TM9SF2: variants seen among roughly 807,000 people sequenced by gnomAD.
The protein encoded by TM9SF2 is 76 kDa membrane protein.
A neutral mutation model predicts 84.9 loss-of-function variants in TM9SF2; 13 were observed. The observed-to-expected ratio is 0.15, with a 90% confidence interval of 0.10 to 0.24. The LOEUF (loss-of-function observed/expected upper bound fraction) is 0.24, where lower values mean the gene tolerates loss of function less well. TM9SF2 is among the 10% of genes least tolerant of loss of function. The pLI is 1.00. For missense variants in TM9SF2, 562 were observed against 818.5 expected, an observed-to-expected ratio of 0.69 and a Z score of 3.82; for synonymous variants, 273 against 285.8, an observed-to-expected ratio of 0.96 and a Z score of 0.45.
chr13:99,553,408 G>T (rs922513172), intron 13 of TM9SF2, among the ~76,000 whole-genome samples: 3 of 152,140 alleles, frequency 2.0e-5, no homozygotes, highest in Middle Eastern at 3.2e-3. Context: ...AACTGACAGG[G>T]TTTGAATTTT....
chr13:99,532,345 C>T (rs987936393), intron 4 of TM9SF2, among the ~76,000 whole-genome samples: 4 of 152,154 alleles, frequency 2.6e-5, no homozygotes, highest in South Asian at 2.1e-4. Flanking sequence ...CCACCGCGCC[C>T]GGCCTTGTGG....
chr13:99,504,723 C>T (rs989076308), intron 1 of TM9SF2, among the ~76,000 whole-genome samples: 10 of 152,192 alleles, frequency 6.6e-5, no homozygotes, highest in African/African-American at 2.4e-4. Flanking sequence ...GATTAATTTT[C>T]TTAGCCTTCA....
intron 15 of TM9SF2, among the ~76,000 whole-genome samples, chr13:99,556,452 G>A (rs369107697): frequency 4.3e-4 from 66 of 152,078 alleles, no homozygotes; most frequent in African/African-American, 1.5e-3. Flanking sequence ...TGTCTGTTTC[G>A]CCTGTTCAGA....
chr13:99,557,880 C>CAA (rs35125079), intron 15 of TM9SF2, among the ~76,000 whole-genome samples: 4 of 151,508 alleles, frequency 2.6e-5, no homozygotes, highest in African/African-American at 4.9e-5. Flanking sequence ...CACCCCCGAC[C>CAA]AAAAAAAAGA....
In TM9SF2 at chr13:99,562,690, G is replaced by T; in HGVS notation, c.1925-1G>T. 1 of 1,612,028 alleles carries T rather than the reference G, an allele frequency of 6.2e-7. No individual in the cohort carries two copies. Among genetic ancestry groups the T allele is most frequent in the Non-Finnish European group, 8.5e-7 (1 of 1,179,318 alleles). On this transcript the variant is annotated splice_acceptor_variant, in intron 16 of 16. Coordinates refer to ENST00000376387, the MANE Select transcript of TM9SF2 (RefSeq NM_004800.3). LOFTEE classifies it high-confidence loss of function. ...GTTTATTTTTATTTTTTCTCTTATA[G>T]GAACAATTGGCTTCTTTGCATGCTT... is the stretch of plus-strand genomic sequence containing the variant.
intron 1 of TM9SF2, among the ~76,000 whole-genome samples, chr13:99,513,589 C>T (rs890505030): frequency 2.6e-5 from 4 of 151,550 alleles, no homozygotes; most frequent in Non-Finnish European, 4.4e-5. Flanking sequence ...GCCTTGTGTT[C>T]GACCCTCTGA....
At chr13:99,510,891 G>A (rs1427120724) in intron 1 of TM9SF2, among the ~76,000 whole-genome samples, 1 of 151,988 alleles carries the variant, frequency 6.6e-6, no homozygotes, top group Non-Finnish European at 1.5e-5. Context: ...GGACTTTGTG[G>A]GCATTAAATA....
At chr13:99,519,999 C>T in intron 2 of TM9SF2, 37 bp from the exon 3 acceptor site, 11 of 1,590,312 alleles carry the variant, frequency 6.9e-6, no homozygotes, top group Non-Finnish European at 9.5e-6. Context: ...TTCATCGTTC[C>T]CTTTTATGTG....
At chr13:99,562,194 C>G (rs2046347472) in intron 16 of TM9SF2, among the ~76,000 whole-genome samples, 1 of 152,154 alleles carries the variant, frequency 6.6e-6, no homozygotes, top group Admixed American at 6.5e-5. Flanking sequence ...TTGTTACTAT[C>G]TAATCATGTC....
At chr13:99,544,034 T>C in intron 10 of TM9SF2, 39 bp downstream of exon 10, 2 of 1,608,142 alleles carry the variant, frequency 1.2e-6, no homozygotes, top group Non-Finnish European at 8.5e-7. Flanking sequence ...GAAAATACTT[T>C]CTAAATACAG....
chr13:99,558,937 T>C (rs2046334527), intron 15 of TM9SF2, among the ~76,000 whole-genome samples: 1 of 152,212 alleles, frequency 6.6e-6, no homozygotes, highest in Non-Finnish European at 1.5e-5. Flanking sequence ...ATAGCTGAAA[T>C]TGGATTCCAA....
intron 10 of TM9SF2, 64 bp downstream of exon 10, chr13:99,544,059 C>T (rs898500909): frequency 1.4e-5 from 22 of 1,583,300 alleles, no homozygotes; most frequent in Non-Finnish European, 1.9e-5. Context: ...TGCTTAAAAA[C>T]CAGTTTTTCT....
chr13:99,514,922 T>A (rs1008978685), intron 1 of TM9SF2, among the ~76,000 whole-genome samples: 1 of 152,190 alleles, frequency 6.6e-6, no homozygotes, highest in Non-Finnish European at 1.5e-5. Flanking sequence ...GAAGTAGGGA[T>A]TATTATCACT....
chr13:99,511,032 G>A (rs186316698), intron 1 of TM9SF2, among the ~76,000 whole-genome samples: 1 of 151,910 alleles, frequency 6.6e-6, no homozygotes, highest in Admixed American at 6.6e-5. Context: ...TGAGATCATC[G>A]TTCCTGCTCC....
At chr13:99,551,636 A>G (rs2046305949) in intron 12 of TM9SF2, among the ~76,000 whole-genome samples, 3 of 152,240 alleles carry the variant, frequency 2.0e-5, no homozygotes, top group African/African-American at 7.2e-5. Flanking sequence ...TTAAAAATGT[A>G]TTCAGAAGAA....
At chr13:99,555,705 C>T (rs1485406846) in intron 15 of TM9SF2, 58 bp downstream of exon 15, 7 of 1,085,660 alleles carry the variant, frequency 6.4e-6, no homozygotes, top group African/African-American at 3.2e-5. Context: ...TGGCATATTG[C>T]AATTTGTATA....
intron 16 of TM9SF2, 57 bp downstream of exon 16, chr13:99,559,591 T>TA: frequency 6.9e-7 from 1 of 1,446,806 alleles, no homozygotes; most frequent in Non-Finnish European, 9.3e-7. Flanking sequence ...ACAAATAACT[T>TA]ATAAATGTTT....
intron 9 of TM9SF2, 57 bp downstream of exon 9, chr13:99,541,724 G>A (rs1259845289): frequency 1.0e-5 from 12 of 1,157,104 alleles, no homozygotes; most frequent in African/African-American, 1.6e-5. Flanking sequence ...TTGTTATTTT[G>A]CAAAAAGGTA....
chr13:99,523,221 G>A (rs1230259768), intron 3 of TM9SF2, among the ~76,000 whole-genome samples: 5 of 151,896 alleles, frequency 3.3e-5, no homozygotes, highest in Admixed American at 6.6e-5. Context: ...GCTGGGCCAC[G>A]GCTCACTGCA....
Sources: allele counts gnomAD v4.1 joint callset (sites outside exome capture counted in the v4.1 genomes callset), GRCh38; gene constraint gnomAD v4.1.1; transcripts MANE v1.5; gene names NCBI Gene and HGNC (gene_info 2026-07-23, HGNC 2026-07-21).